Variants in LGALS1 observed in about 807,000 individuals in gnomAD.
The protein encoded by LGALS1 is galectin 1, also known as galectin-1.
In LGALS1, 14 loss-of-function variants were observed where a neutral mutation model predicts 14.4. The observed-to-expected ratio is 0.97, with a 90% CI of 0.64 to 1.52. LGALS1 has a LOEUF of 1.52. LGALS1 is among the 40% of genes most tolerant of loss of function. The pLI is 0.00. For missense variants in LGALS1, 170 were observed against 181.4 expected (o/e 0.94, Z 0.36); for synonymous variants, 71 against 73.4 (o/e 0.97, Z 0.17).
Position 37,675,730 on chromosome 22 carries a change from C to CA in LGALS1, c.9+19_9+20insA, listed in dbSNP as rs1921401724. 1 of 1,538,914 alleles carries CA rather than the reference C, an allele frequency of 6.5e-7. No individual in the cohort carries two copies. Among genetic ancestry groups the CA allele is most frequent in the South Asian group, 1.2e-5 (1 of 82,906 alleles). ...GGCTTGTGTGAGTGTGGGGACCCCCCCCCAAGGTCCAGGGGATAGGGCAGG... is the reference window on the plus strand; with the variant it reads ...GGCTTGTGTGAGTGTGGGGACCCCCCACCCAAGGTCCAGGGGATAGGGCAGG... On this transcript the variant is annotated intron_variant, in intron 1 of 3. Transcript: ENST00000215909.
At chr22:37,677,254 C>A in intron 2 of LGALS1, 189 bp downstream of exon 2, 1 of 606,054 alleles carries the variant, frequency 1.7e-6, no homozygotes, top group Non-Finnish European at 2.9e-6. Flanking sequence ...GCCCCCTCCC[C>A]CGCTCCCTCC....
In LGALS1 at chr22:37,678,614, G is replaced by C; in HGVS notation, c.221G>C (p.Arg74Pro). 1 of 1,612,180 alleles carries C rather than the reference G, an allele frequency of 6.2e-7. No homozygotes were observed. Among genetic ancestry groups the C allele is most frequent in the Middle Eastern group, 1.7e-4 (1 of 6,060 alleles). ...KDGGAWGTEQ[R>P]EAVFPFQPGS... ...GGCGGGGCCTGGGGGACCGAGCAGC[G>C]GGAGGCTGTCTTTCCCTTCCAGCCT... is the stretch of plus-strand genomic sequence containing the variant. Residue 74 changes from arginine (R) to proline (P), a missense_variant, in exon 3 of 4, where the codon CGG (arginine) becomes CCG (proline). Arg to Pro is a moderately radical substitution (Grantham distance 103). Coordinates refer to ENST00000215909, the MANE Select transcript of LGALS1 (RefSeq NM_002305.4).
chr22:37,677,242 C>A, intron 2 of LGALS1, 177 bp downstream of exon 2: 1 of 613,714 alleles, frequency 1.6e-6, no homozygotes, highest in Non-Finnish European at 2.9e-6. Flanking sequence ...CCCACCGTTG[C>A]CGCCCCCTCC....
intron 3 of LGALS1, 39 bp from the exon 4 acceptor site, chr22:37,679,564 G>T: frequency 6.5e-7 from 1 of 1,537,354 alleles, no homozygotes; most frequent in South Asian, 1.2e-5. Flanking sequence ...AAGGGCCCAT[G>T]GCATGTGGGC....
chr22:37,679,469 G>T, intron 3 of LGALS1, 134 bp from the exon 4 acceptor site: 1 of 698,088 alleles, frequency 1.4e-6, no homozygotes, highest in Non-Finnish European at 2.1e-6. Flanking sequence ...AGAGTAAAAA[G>T]AAAGAAAAAA....
chr22:37,679,559 C>A, intron 3 of LGALS1, 44 bp from the exon 4 acceptor site: 1 of 1,532,546 alleles, frequency 6.5e-7, no homozygotes. Context: ...TCTGGAAGGG[C>A]CCATGGCATG....
Position 37,675,731 on chromosome 22 carries a change from C to G in LGALS1, c.9+20C>G, listed in dbSNP as rs199824702. 1.1e-4 allele frequency: 172 copies of G among 1,538,880 alleles called. No individual in the cohort carries two copies. Among genetic ancestry groups the G allele is most frequent in the Non-Finnish European group, 1.3e-4 (143 of 1,140,730 alleles). On this transcript the variant is annotated intron_variant, in intron 1 of 3. Transcript: ENST00000215909. Reference sequence around the variant, plus strand: ...GCTTGTGTGAGTGTGGGGACCCCCCCCCAAGGTCCAGGGGATAGGGCAGGA... The same window carrying G: ...GCTTGTGTGAGTGTGGGGACCCCCCGCCAAGGTCCAGGGGATAGGGCAGGA...
intron 3 of LGALS1, 57 bp downstream of exon 3, chr22:37,678,711 G>C: frequency 7.0e-7 from 1 of 1,431,178 alleles, no homozygotes; most frequent in South Asian, 1.3e-5. Context: ...GCTGGGGCGG[G>C]GCTGGGTTAG....
At chr22:37,679,448 A>G (rs2145790361) in intron 3 of LGALS1, among the ~76,000 whole-genome samples, 155 bp from the exon 4 acceptor site, 1 of 151,930 alleles carries the variant, frequency 6.6e-6, no homozygotes, top group South Asian at 2.1e-4. Context: ...AAAAAAATCT[A>G]TCATAGGATT....
chr22:37,675,685 A>T lies in LGALS1; in HGVS notation c.-18A>T, dbSNP rs893237748. 6.5e-7 allele frequency: 1 copy of T among 1,549,132 alleles called. No individual in the cohort carries two copies. The highest frequency in any genetic ancestry group is 2.4e-5 in the East Asian group (1 of 40,900). On this transcript the variant is annotated 5_prime_UTR_variant, in exon 1 of 4. Transcript: ENST00000215909. ...ACAGCTGGTGCGCCTGCCCGGGAAC[A>T]TCCTCCTGGACTCAATCATGGCTTG...
chr22:37,675,720 G>A lies in LGALS1; in HGVS notation c.9+9G>A. 2 of 1,537,088 alleles carry A rather than the reference G, an allele frequency of 1.3e-6. No individual in the cohort carries two copies. The highest frequency in any genetic ancestry group is 1.8e-6 in the Non-Finnish European group (2 of 1,140,370). ...ACTCAATCATGGCTTGTGTGAGTGT[G>A]GGGACCCCCCCCCAAGGTCCAGGGG... On this transcript the variant is annotated intron_variant, in intron 1 of 3. Coordinates refer to ENST00000215909, the MANE Select transcript of LGALS1 (RefSeq NM_002305.4).
chr22:37,677,182 C>T (rs1264334423), intron 2 of LGALS1, 117 bp downstream of exon 2: 7 of 999,748 alleles, frequency 7.0e-6, no homozygotes, highest in East Asian at 2.6e-5. Flanking sequence ...GGCCAGCCGC[C>T]GATGCTGCGT....
At chr22:37,679,545 G>T in intron 3 of LGALS1, 58 bp from the exon 4 acceptor site, 2 of 1,454,730 alleles carry the variant, frequency 1.4e-6, no homozygotes, top group East Asian at 2.6e-5. Context: ...CATGAGGAAC[G>T]GGTTCTGGAA....
chr22:37,679,797 T>C lies in LGALS1; in HGVS notation c.*48T>C, dbSNP rs113159676. On this transcript the variant is annotated 3_prime_UTR_variant, in exon 4 of 4. Transcript: ENST00000215909. ...AATAAAGGCAGCTGCCTCTGCTCCC[T>C]CTGAACCAGCCTCGTGTGTGTGCTT... 4 of 1,533,090 alleles carry C rather than the reference T, an allele frequency of 2.6e-6. No individual in the cohort carries two copies. Among genetic ancestry groups the C allele is most frequent in the African/African-American group, 1.4e-5 (1 of 72,262 alleles). The allele number at this position is 1,533,090 out of a possible 1,614,324, so 95.0% of individuals were successfully genotyped here. A position where few individuals can be genotyped will look rare whatever the true frequency, so the allele number is the denominator to read the frequency against.
intron 2 of LGALS1, 120 bp from the exon 3 acceptor site, chr22:37,678,363 T>C: frequency 9.1e-7 from 1 of 1,101,980 alleles, no homozygotes; most frequent in African/African-American, 1.6e-5. Flanking sequence ...TCCAGGTTTC[T>C]TGTCTCTGTT....
chr22:37,675,725 C>A lies in LGALS1; in HGVS notation c.9+14C>A. ...ATCATGGCTTGTGTGAGTGTGGGGACCCCCCCCCAAGGTCCAGGGGATAGG... is the reference window on the plus strand; with the variant it reads ...ATCATGGCTTGTGTGAGTGTGGGGAACCCCCCCCAAGGTCCAGGGGATAGG... On this transcript the variant is annotated intron_variant, in intron 1 of 3. Coordinates refer to ENST00000215909, the MANE Select transcript of LGALS1 (RefSeq NM_002305.4). 5 of 1,237,162 alleles carry A rather than the reference C, an allele frequency of 4.0e-6. No homozygotes were observed. Among genetic ancestry groups the A allele is most frequent in the South Asian group, 1.6e-5 (1 of 63,572 alleles). The allele number at this position is 1,237,162 out of a possible 1,614,324, so 76.6% of individuals were successfully genotyped here.
intron 2 of LGALS1, chr22:37,677,464 C>T (rs889251643): frequency 4.4e-6 from 1 of 229,012 alleles, no homozygotes. Context: ...CTGGCTCAGT[C>T]CGGTCCTTCT....
intron 1 of LGALS1, among the ~76,000 whole-genome samples, chr22:37,676,560 C>A (rs1601601446): frequency 6.6e-6 from 1 of 152,036 alleles, no homozygotes; most frequent in Admixed American, 6.5e-5. Context: ...TGGGGTCGCC[C>A]GCCCCTAGCC....
At chr22:37,677,892 C>G (rs1457393994) in intron 2 of LGALS1, among the ~76,000 whole-genome samples, 1 of 152,104 alleles carries the variant, frequency 6.6e-6, no homozygotes, top group Non-Finnish European at 1.5e-5. Context: ...TCAAACGATT[C>G]TCCGGCTTCA....
Sources: allele counts gnomAD v4.1 joint callset (sites outside exome capture counted in the v4.1 genomes callset), GRCh38; gene constraint gnomAD v4.1.1; transcripts MANE v1.5; gene names NCBI Gene and HGNC (gene_info 2026-07-23, HGNC 2026-07-21).